The following METTL9 variants were observed in gnomAD, a reference collection of about 807,000 sequenced individuals.
METTL9 encodes protein-L-histidine N-pros-methyltransferase.
A neutral mutation model predicts 36.0 loss-of-function variants in METTL9; 10 were observed. The observed-to-expected ratio is 0.28, with a 90% CI of 0.17 to 0.47. The LOEUF (loss-of-function observed/expected upper bound fraction) is 0.47, where lower values mean the gene tolerates loss of function less well. METTL9 is among the 20% of genes least tolerant of loss of function. The pLI is 0.99. For missense variants in METTL9, 246 were observed against 383.5 expected, an observed-to-expected ratio of 0.64 and a Z score of 3.00; for synonymous variants, 175 against 149.7, an observed-to-expected ratio of 1.17 and a Z score of -1.23.
At chr16:21,615,797 T>C (rs1965541306) in intron 2 of METTL9, among the ~76,000 whole-genome samples, 1 of 152,212 alleles carries the variant, frequency 6.6e-6, no homozygotes, top group African/African-American at 2.4e-5. Flanking sequence ...GTTTCTGTGT[T>C]AAATTTTGTA....
intron 1 of METTL9, among the ~76,000 whole-genome samples, chr16:21,605,889 C>G (rs1597739921): frequency 6.6e-6 from 1 of 152,160 alleles, no homozygotes; most frequent in South Asian, 2.1e-4. Context: ...CTCAGTCCCA[C>G]AAGACTGCCC....
chr16:21,613,256 T>C (rs1458795072), intron 2 of METTL9, among the ~76,000 whole-genome samples: 2 of 141,944 alleles, frequency 1.4e-5, no homozygotes, highest in African/African-American at 5.2e-5. Context: ...CAATCTGGGC[T>C]CACTGCAGCC....
Position 21,621,149 on chromosome 16 carries a change from A to AGAGT in METTL9, c.566+3076_566+3077insAGTG, listed in dbSNP as rs1555489994. ...CATATCTGGCTAATTTGAGAGAGAG[A>AGAGT]GTGTGTGTGTGTGTGTGTGTGTGTG... On this transcript the variant is annotated intron_variant, in intron 3 of 4. Coordinates refer to ENST00000358154, the MANE Select transcript of METTL9 (RefSeq NM_016025.5). 8.3e-3 allele frequency among the ~76,000 whole-genome samples: 1,204 copies of AGAGT among 144,672 alleles called. 32 individuals carry two copies. The highest frequency in any genetic ancestry group is 0.08 in the East Asian group (392 of 4,912). 94.9% of individuals were successfully genotyped at this position (144,672 alleles called of 152,430 possible).
intron 4 of METTL9, among the ~76,000 whole-genome samples, chr16:21,637,579 C>T (rs1307342234): frequency 2.0e-5 from 3 of 152,250 alleles, no homozygotes; most frequent in Non-Finnish European, 4.4e-5. Flanking sequence ...CTTTGTGGCA[C>T]CTAGCCTGGG....
intron 4 of METTL9, among the ~76,000 whole-genome samples, chr16:21,644,649 G>A (rs895953287): frequency 3.3e-5 from 5 of 152,136 alleles, no homozygotes; most frequent in African/African-American, 1.2e-4. Context: ...CCAACCATTT[G>A]TCATATTGCT....
intron 4 of METTL9, chr16:21,652,397 C>T: frequency 1.7e-6 from 1 of 573,616 alleles, no homozygotes; most frequent in South Asian, 3.3e-5. Context: ...AAAAAGGAAA[C>T]TTATCCTCTT....
chr16:21,643,101 C>T, intron 4 of METTL9: 1 of 1,608,560 alleles, frequency 6.2e-7, no homozygotes, highest in Non-Finnish European at 8.5e-7. Context: ...CCACATGTCT[C>T]TTATGGTATA....
intron 1 of METTL9, among the ~76,000 whole-genome samples, chr16:21,602,524 A>T (rs1308929465): frequency 6.6e-6 from 1 of 152,194 alleles, no homozygotes; most frequent in African/African-American, 2.4e-5. Context: ...GACTGGTCTC[A>T]CAGACTTATT....
Position 21,628,798 on chromosome 16 carries a change from G to A in METTL9, c.751+3683G>A, listed in dbSNP as rs1035710840. Among the ~76,000 whole-genome samples the A allele has an allele frequency of 2.0e-5, 3 of 150,662 alleles. No homozygotes were observed. The East Asian group carries it at 5.8e-4, about 29-fold the overall frequency. The stretch of plus-strand genomic sequence containing the variant: ...GATGTGAGCCACTGCACCTGGCCTT[G>A]TTTCTAACTTTAATGAAAATATTAC... On this transcript the variant is annotated intron_variant, in intron 4 of 4. Transcript: ENST00000358154.
At chr16:21,611,750 C>T (rs1230371548) in intron 1 of METTL9, among the ~76,000 whole-genome samples, 1 of 152,172 alleles carries the variant, frequency 6.6e-6, no homozygotes, top group African/African-American at 2.4e-5. Flanking sequence ...TCTGAGCTCA[C>T]ATAGGAAGGG....
chr16:21,634,737 A>G (rs539962554), intron 4 of METTL9, among the ~76,000 whole-genome samples: 16 of 152,262 alleles, frequency 1.1e-4, no homozygotes, highest in East Asian at 3.9e-4. Context: ...TTTAGGATCA[A>G]TTGACCCTTG....
chr16:21,635,282 C>T (rs942863457), intron 4 of METTL9, among the ~76,000 whole-genome samples: 5 of 152,112 alleles, frequency 3.3e-5, no homozygotes, highest in African/African-American at 4.8e-5. Flanking sequence ...CCCCCTACAG[C>T]TTGAAGGGAA....
intron 4 of METTL9, among the ~76,000 whole-genome samples, chr16:21,635,334 T>G (rs933630229): frequency 1.2e-4 from 18 of 152,046 alleles, no homozygotes; most frequent in Non-Finnish European, 2.5e-4. Flanking sequence ...CTTTGGAGAT[T>G]TCTTTGCTTA....
chr16:21,613,275 C>T (rs1014827612), intron 2 of METTL9, among the ~76,000 whole-genome samples: 4 of 149,294 alleles, frequency 2.7e-5, no homozygotes, highest in Non-Finnish European at 4.4e-5. Context: ...CCTCCGCCTC[C>T]CGGGTTTAAG....
intron 2 of METTL9, among the ~76,000 whole-genome samples, chr16:21,616,657 G>A (rs2152894413): frequency 6.6e-6 from 1 of 152,270 alleles, no homozygotes; most frequent in African/African-American, 2.4e-5. Flanking sequence ...GACCCAGACA[G>A]TTGTAACCAT....
intron 4 of METTL9, chr16:21,652,232 G>T: frequency 4.2e-6 from 1 of 239,702 alleles, no homozygotes. Flanking sequence ...AAGTTTGTAT[G>T]ATAATTAAAT....
intron 4 of METTL9, among the ~76,000 whole-genome samples, chr16:21,625,535 A>G (rs1396159829): frequency 6.6e-6 from 1 of 152,210 alleles, no homozygotes; most frequent in Non-Finnish European, 1.5e-5. Flanking sequence ...GCCAGACTCT[A>G]AAAATGATAA....
intron 4 of METTL9, among the ~76,000 whole-genome samples, chr16:21,650,544 C>T (rs1464005803): frequency 6.7e-5 from 10 of 149,262 alleles, no homozygotes; most frequent in Non-Finnish European, 1.5e-4. Context: ...GTTGGGGTGG[C>T]GGGGATAGCT....
At chr16:21,609,048 A>C (rs760982334) in intron 1 of METTL9, among the ~76,000 whole-genome samples, 1 of 152,222 alleles carries the variant, frequency 6.6e-6, no homozygotes, top group African/African-American at 2.4e-5. Context: ...TGTAAAGCAC[A>C]TGGCTTGGTG....
Sources: gnomAD v4.1 joint callset for allele counts (sites outside exome capture counted in the v4.1 genomes callset) on GRCh38, gnomAD v4.1.1 for gene constraint, MANE v1.5 for transcripts, NCBI Gene and HGNC (gene_info 2026-07-23, HGNC 2026-07-21) for gene names.